MSI2: variants seen among roughly 807,000 people sequenced by gnomAD.
MSI2 encodes the protein RNA-binding protein Musashi homolog 2.
MSI2 carries 17 observed loss-of-function variants against 45.6 expected under a neutral mutation model. The observed-to-expected ratio is 0.37, with a 90% confidence interval of 0.26 to 0.56. The LOEUF (loss-of-function observed/expected upper bound fraction) is 0.56, where lower values mean the gene tolerates loss of function less well. MSI2 is among the 20% of genes least tolerant of loss of function. MSI2 has a pLI of 0.77. For synonymous variants in MSI2, 156 were observed against 158.2 expected (o/e 0.99, Z 0.11); for missense variants, 293 against 444.2 (o/e 0.66, Z 3.06).
intron 5 of MSI2, among the ~76,000 whole-genome samples, chr17:57,272,471 T>C (rs1908460163): frequency 6.6e-6 from 1 of 152,174 alleles, no homozygotes; most frequent in Non-Finnish European, 1.5e-5. Context: ...CCTGTTGGTG[T>C]ACAGATCCCG....
chr17:57,577,583 A>G (rs190192739), intron 7 of MSI2, among the ~76,000 whole-genome samples: 4 of 152,388 alleles, frequency 2.6e-5, no homozygotes, highest in Admixed American at 1.3e-4. Context: ...ATAAAATGAA[A>G]AAAATTAAAA....
intron 6 of MSI2, among the ~76,000 whole-genome samples, chr17:57,429,302 G>A (rs2084551520): frequency 6.6e-6 from 1 of 152,186 alleles, no homozygotes; most frequent in African/African-American, 2.4e-5. Flanking sequence ...AAACTTTGGG[G>A]TTTTGCGTGT....
chr17:57,693,483 T>C, the MSI2 span, among the ~76,000 whole-genome samples: 2 of 152,218 alleles, frequency 1.3e-5, no homozygotes, highest in Non-Finnish European at 2.9e-5. Context: ...CTTCTTAAAT[T>C]GTATCAAGTT....
intron 5 of MSI2, among the ~76,000 whole-genome samples, chr17:57,293,608 T>TTG (rs1215664807): frequency 3.1e-4 from 43 of 140,464 alleles, no homozygotes; most frequent in Admixed American, 2.1e-4. Flanking sequence ...TTTTTTTTTG[T>TTG]TTTTTTTTGT....
chr17:57,414,983 A>G (rs1567810392), intron 6 of MSI2, among the ~76,000 whole-genome samples: 2 of 152,176 alleles, frequency 1.3e-5, no homozygotes, highest in Non-Finnish European at 2.9e-5. Context: ...ACTCTGTTTC[A>G]TCTTCTCTCC....
At chr17:57,327,573 T>C (rs1156552734) in intron 5 of MSI2, among the ~76,000 whole-genome samples, 1 of 152,264 alleles carries the variant, frequency 6.6e-6, no homozygotes, top group African/African-American at 2.4e-5. Context: ...CTCTTCTTTG[T>C]GGCATCAAGG....
chr17:57,402,601 C>A (rs989593677), intron 6 of MSI2, among the ~76,000 whole-genome samples: 1 of 152,212 alleles, frequency 6.6e-6, no homozygotes, highest in African/African-American at 2.4e-5. Context: ...GCAGCTATGA[C>A]CCTGTCCCCA....
chr17:57,271,002 C>T (rs886425455), intron 5 of MSI2, among the ~76,000 whole-genome samples: 24 of 152,086 alleles, frequency 1.6e-4, no homozygotes, highest in African/African-American at 5.1e-4. Flanking sequence ...TTTCCTTTTC[C>T]GTATCTGATG....
chr17:57,414,646 C>T (rs908494226), intron 6 of MSI2, among the ~76,000 whole-genome samples: 10 of 152,094 alleles, frequency 6.6e-5, no homozygotes, highest in African/African-American at 2.2e-4. Flanking sequence ...AGCATCTGCC[C>T]GTGTTGGCCT....
At chr17:57,593,402 C>A (rs769363215) in intron 7 of MSI2, among the ~76,000 whole-genome samples, 23 of 152,146 alleles carry the variant, frequency 1.5e-4, no homozygotes, top group Non-Finnish European at 2.9e-4. Flanking sequence ...TCGTTCCTTG[C>A]CTTCTGGAAA....
intron 10 of MSI2, among the ~76,000 whole-genome samples, chr17:57,649,381 AACAC>A (rs555150521): frequency 1.1e-3 from 165 of 151,770 alleles, no homozygotes; most frequent in African/African-American, 3.8e-3. Context: ...ACATGTACTC[AACAC>A]ACACATCCAT....
rs538491540 is a variant in MSI2, at chr17:57,552,433, C to T, written c.454+22709C>T. Among the ~76,000 whole-genome samples the T allele has an allele frequency of 3.9e-5, 6 of 152,236 alleles. No individual in the cohort carries two copies. In the East Asian group the frequency reaches 1.2e-3, roughly 29 times the overall value. On this transcript the variant is annotated intron_variant, in intron 7 of 13. Coordinates refer to ENST00000284073, the MANE Select transcript of MSI2 (RefSeq NM_138962.4). This position sits in a 1 kb window ranked among gnomAD's most constrained non-coding sequence, Gnocchi z 4.3. ...CTGCTGCATCCAGCCCCTGGGTCTT[C>T]CACCTCCTGGCACGCTCTAGCCTAG...
chr17:57,440,412 C>T (rs1406826168), intron 6 of MSI2, among the ~76,000 whole-genome samples: 1 of 54,864 alleles, frequency 1.8e-5, no homozygotes, highest in Non-Finnish European at 3.7e-5. Context: ...GGTTTGTTAT[C>T]CGTGTGTGTG....
intron 5 of MSI2, among the ~76,000 whole-genome samples, chr17:57,375,786 A>G (rs1213744621): frequency 6.6e-6 from 1 of 152,130 alleles, no homozygotes; most frequent in Non-Finnish European, 1.5e-5. Flanking sequence ...AATAGGAGAT[A>G]AATTTAGAGA....
chr17:57,445,044 TGGG>T (rs375257548), intron 6 of MSI2, among the ~76,000 whole-genome samples: 1 of 152,312 alleles, frequency 6.6e-6, no homozygotes, highest in East Asian at 1.9e-4. Context: ...AGCTGATATC[TGGG>T]CGTTTTTCAT....
chr17:57,274,968 ATG>A (rs1236218839), intron 5 of MSI2, among the ~76,000 whole-genome samples: 3 of 152,232 alleles, frequency 2.0e-5, no homozygotes, highest in Admixed American at 2.0e-4. Flanking sequence ...TACTGAGAAA[ATG>A]TGAATTCTTT....
intron 6 of MSI2, among the ~76,000 whole-genome samples, chr17:57,480,251 C>CCA (rs1425306557): frequency 3.9e-5 from 6 of 152,176 alleles, no homozygotes; most frequent in Admixed American, 3.9e-4. Flanking sequence ...ATGTGAGCCA[C>CCA]CACGCCCAGC....
At position 57,632,827 on chromosome 17, in the gene MSI2, C is replaced by A. The variant is rs1337944175; in HGVS notation, c.727+5524C>A. 8 of 1,065,092 alleles carry A rather than the reference C, an allele frequency of 7.5e-6. No homozygotes were observed. The South Asian group carries it at 3.6e-4, about 48-fold the overall frequency. The allele number at this position is 1,065,092 out of a possible 1,614,324, so 66.0% of individuals were successfully genotyped here. A position where few individuals can be genotyped will look rare whatever the true frequency, so the allele number is the denominator to read the frequency against. On this transcript the variant is annotated intron_variant, in intron 10 of 13. Coordinates refer to ENST00000284073, the MANE Select transcript of MSI2 (RefSeq NM_138962.4). The stretch of plus-strand genomic sequence containing the variant: ...TTGATGCATTTGATGTGAGTGAATC[C>A]ATACATTTGAATGTCATTGTCCTTG...
At chr17:57,618,143 A>T (rs960408420) in intron 9 of MSI2, 7 of 151,614 alleles carry the variant, frequency 4.6e-5, no homozygotes, top group Non-Finnish European at 1.0e-4. Context: ...GGCCTCAGCT[A>T]CCCAGGAGGC....
Sources: allele counts gnomAD v4.1 joint callset (sites outside exome capture counted in the v4.1 genomes callset), GRCh38; gene constraint gnomAD v4.1.1; non-coding constraint Gnocchi (gnomAD v3.1); transcripts MANE v1.5; gene names NCBI Gene and HGNC (gene_info 2026-07-23, HGNC 2026-07-21).